Variants in GLRA3 observed in about 807,000 individuals in gnomAD.
GLRA3 encodes glycine receptor alpha 3, also known as glycine receptor subunit alpha-3.
Under a neutral mutation model 60.4 loss-of-function variants are expected in GLRA3, and 44 were observed. The observed-to-expected ratio is 0.73, with a 90% CI of 0.57 to 0.94. The LOEUF is 0.94. Ranked by LOEUF, GLRA3 falls within the 40% of genes least tolerant of loss-of-function variation. The pLI, the probability that GLRA3 is intolerant of heterozygous loss-of-function variation, is 0.00. For synonymous variants in GLRA3, 223 were observed against 192.9 expected, an observed-to-expected ratio of 1.16 and a Z score of -1.29; for missense variants, 508 against 564.6, an observed-to-expected ratio of 0.90 and a Z score of 1.02.
At chr4:174,736,318 G>C (rs544907759) in intron 3 of GLRA3, among the ~76,000 whole-genome samples, 2 of 151,782 alleles carry the variant, frequency 1.3e-5, no homozygotes, top group Admixed American at 6.6e-5. Flanking sequence ...TTAAAAAATC[G>C]TGATCAAATA....
intron 3 of GLRA3, among the ~76,000 whole-genome samples, chr4:174,743,179 C>G (rs1193281485): frequency 6.6e-6 from 1 of 151,974 alleles, no homozygotes; most frequent in South Asian, 2.1e-4. Context: ...GTTTTTGAAA[C>G]CTAAAAATTA....
intron 3 of GLRA3, among the ~76,000 whole-genome samples, chr4:174,736,083 GA>G (rs1312654424): frequency 6.6e-6 from 1 of 152,048 alleles, no homozygotes; most frequent in Non-Finnish European, 1.5e-5. Context: ...AATTTTTTGA[GA>G]AAAGTTGGAG....
chr4:174,817,300 C>A (rs151177549), intron 1 of GLRA3, among the ~76,000 whole-genome samples: 1 of 152,320 alleles, frequency 6.6e-6, no homozygotes, highest in African/African-American at 2.4e-5. Flanking sequence ...CTCAAAGAAG[C>A]AATCCCGCGT....
At chr4:174,666,192 C>T (rs894997501) in intron 7 of GLRA3, among the ~76,000 whole-genome samples, 1 of 152,040 alleles carries the variant, frequency 6.6e-6, no homozygotes, top group Non-Finnish European at 1.5e-5. Flanking sequence ...TCTTAAAATT[C>T]CAGGCTCTAT....
chr4:174,678,547 C>T (rs1251745071), intron 6 of GLRA3, among the ~76,000 whole-genome samples: 3 of 152,150 alleles, frequency 2.0e-5, no homozygotes, highest in Non-Finnish European at 2.9e-5. Context: ...TGACTTGGGC[C>T]GTGCGTGATT....
chr4:174,774,668 T>C (rs186651426), intron 2 of GLRA3, among the ~76,000 whole-genome samples: 122 of 152,234 alleles, frequency 8.0e-4, no homozygotes, highest in Non-Finnish European at 8.7e-4. Flanking sequence ...GTCAACATCA[T>C]GACAGTCACA....
chr4:174,739,516 A>G (rs1299280040), intron 3 of GLRA3, among the ~76,000 whole-genome samples: 1 of 152,140 alleles, frequency 6.6e-6, no homozygotes, highest in South Asian at 2.1e-4. Context: ...TGCCTCATAA[A>G]TGTTCTCAAT....
Position 174,637,733 on chromosome 4 carries a change from A to G in GLRA3, c.*6053T>C, listed in dbSNP as rs1030268254. 2 of 152,198 alleles carry G rather than the reference A, an allele frequency of 1.3e-5. No homozygotes were observed. The highest frequency in any genetic ancestry group is 4.8e-5 in the African/African-American group (2 of 41,464). 9.4% of individuals were successfully genotyped at this position (152,198 alleles called of 1,614,324 possible). ...GTTTGCTGCTAGTTTTTTTAAATTCATATTACTTTGTAGAGTTTTATATAA... is the reference window on the plus strand; with the variant it reads ...GTTTGCTGCTAGTTTTTTTAAATTCGTATTACTTTGTAGAGTTTTATATAA... On this transcript the variant is annotated 3_prime_UTR_variant, in exon 10 of 10. Coordinates refer to ENST00000274093, the MANE Select transcript of GLRA3 (RefSeq NM_006529.4).
At chr4:174,828,671 A>G (rs577777389) in intron 1 of GLRA3, 70 bp downstream of exon 1, 32 of 918,122 alleles carry the variant, frequency 3.5e-5, no homozygotes, top group Admixed American at 1.7e-4. Flanking sequence ...GGTCTCATCA[A>G]TAACAAGTGG....
At chr4:174,785,109 C>T (rs933536253) in intron 2 of GLRA3, among the ~76,000 whole-genome samples, 2 of 152,022 alleles carry the variant, frequency 1.3e-5, no homozygotes, top group Admixed American at 1.3e-4. Context: ...TTCTGTGGTA[C>T]ATTTTAATAA....
intron 5 of GLRA3, among the ~76,000 whole-genome samples, chr4:174,699,810 T>A (rs1480252616): frequency 1.1e-4 from 1 of 9,014 alleles, no homozygotes; most frequent in Non-Finnish European, 4.4e-4. Flanking sequence ...ATTATTTAAT[T>A]AATAATTAAT....
In GLRA3 at chr4:174,764,028, G is replaced by A. The variant is rs116379442; in HGVS notation, c.267+2935C>T. ...TAAAATAATGAAACTGTACTCAAGT[G>A]AGAATGGTTGGTACTACATGAAATT... On this transcript the variant is annotated intron_variant, in intron 3 of 9. Transcript: ENST00000274093. 4.6e-3 allele frequency among the ~76,000 whole-genome samples: 696 copies of A among 152,228 alleles called. 2 individuals are homozygous for A. The highest frequency in any genetic ancestry group is 0.016 in the African/African-American group (673 of 41,550).
intron 2 of GLRA3, among the ~76,000 whole-genome samples, chr4:174,771,990 A>T (rs903396206): frequency 3.9e-5 from 6 of 152,194 alleles, no homozygotes; most frequent in African/African-American, 7.2e-5. Context: ...TATGTGGCAC[A>T]TCCTAATGAG....
chr4:174,691,470 G>A (rs974666749), intron 5 of GLRA3, among the ~76,000 whole-genome samples: 5 of 152,044 alleles, frequency 3.3e-5, no homozygotes, highest in African/African-American at 7.2e-5. Context: ...CTGCCATCTC[G>A]GCTCACTGCA....
intron 3 of GLRA3, among the ~76,000 whole-genome samples, chr4:174,754,465 AC>A (rs1409288818): frequency 2.6e-5 from 4 of 152,172 alleles, no homozygotes; most frequent in African/African-American, 9.6e-5. Flanking sequence ...TATAATTTTA[AC>A]ATTAAAAGGA....
intron 1 of GLRA3, among the ~76,000 whole-genome samples, chr4:174,796,104 G>C (rs776669926): frequency 6.6e-6 from 1 of 152,132 alleles, no homozygotes; most frequent in Non-Finnish European, 1.5e-5. Context: ...TAGGAGTGGG[G>C]ACCTTTGGGA....
chr4:174,653,288 A>G (rs929112304), intron 9 of GLRA3, among the ~76,000 whole-genome samples: 1 of 152,062 alleles, frequency 6.6e-6, no homozygotes, highest in Non-Finnish European at 1.5e-5. Flanking sequence ...TGAATGAATT[A>G]AAATTGTTTT....
intron 3 of GLRA3, among the ~76,000 whole-genome samples, chr4:174,766,062 AGATT>A (rs1738131611): frequency 6.6e-6 from 1 of 151,834 alleles, no homozygotes; most frequent in Non-Finnish European, 1.5e-5. Flanking sequence ...TTTGCATATT[AGATT>A]GTTTTTCCTA....
chr4:174,639,372 A>ATG lies in GLRA3; in HGVS notation c.*4412_*4413dup, dbSNP rs10541642. 9,809 of 146,650 alleles carry ATG rather than the reference A, an allele frequency of 0.067. 420 individuals carry two copies. Among genetic ancestry groups the ATG allele is most frequent in the Middle Eastern group, 0.15 (42 of 284 alleles). 9.1% of individuals were successfully genotyped at this position (146,650 alleles called of 1,614,324 possible). A position where few individuals can be genotyped will look rare whatever the true frequency, so the allele number is the denominator to read the frequency against. On this transcript the variant is annotated 3_prime_UTR_variant, in exon 10 of 10. Coordinates refer to ENST00000274093, the MANE Select transcript of GLRA3 (RefSeq NM_006529.4). ...AATTCATCTCATTACCAATATGTGT[A>ATG]TGTGTGTGTGTGTGTGTGTGTGTGT...
Sources: gnomAD v4.1 joint callset for allele counts (sites outside exome capture counted in the v4.1 genomes callset) on GRCh38, gnomAD v4.1.1 for gene constraint, MANE v1.5 for transcripts, NCBI Gene and HGNC (gene_info 2026-07-23, HGNC 2026-07-21) for gene names.